The following SLF2 variants were observed in gnomAD, a reference collection of about 807,000 sequenced individuals.
SLF2 encodes the protein SMC5/6 complex localization factor 2.
SLF2 carries 68 observed loss-of-function variants against 124.3 expected under a neutral mutation model. The observed-to-expected ratio is 0.55, with a 90% CI of 0.45 to 0.67. The LOEUF (loss-of-function observed/expected upper bound fraction) is 0.67. Ranked by LOEUF, SLF2 falls within the 30% of genes least tolerant of loss-of-function variation. The probability of loss-of-function intolerance (pLI) is 0.00; values close to 1 mark genes in which losing one functional copy is unlikely to be tolerated. For missense variants in SLF2, 1,246 were observed against 1,373.7 expected, an observed-to-expected ratio of 0.91 and a Z score of 1.47; for synonymous variants, 480 against 478.8, an observed-to-expected ratio of 1.00 and a Z score of -0.03.
chr10:100,945,205 C>T, intron 12 of SLF2, 125 bp from the exon 13 acceptor site: 2 of 712,614 alleles, frequency 2.8e-6, no homozygotes, highest in South Asian at 2.2e-5. Context: ...TTTCTCTAGA[C>T]ATCGGATGTT....
chr10:100,913,373 G>A, intron 1 of SLF2, 123 bp downstream of exon 1: 2 of 1,367,122 alleles, frequency 1.5e-6, no homozygotes, highest in East Asian at 3.0e-5. Flanking sequence ...GGCATTTCGG[G>A]GCCTGGCAAA....
intron 16 of SLF2, 100 bp downstream of exon 16, chr10:100,950,307 T>A: frequency 8.1e-7 from 1 of 1,227,494 alleles, no homozygotes; most frequent in Non-Finnish European, 1.1e-6. Context: ...ATTTGGACAC[T>A]AGACACATTC....
In SLF2 at chr10:100,965,110, T is replaced by G. The variant is rs987200002; in HGVS notation, c.*3198T>G. The stretch of plus-strand genomic sequence containing the variant: ...ATGAATGTGTGTGTGTGTGTGCTAT[T>G]AAAACTGCTTTTTCTCAGTTTGAAC... On this transcript the variant is annotated 3_prime_UTR_variant, in exon 20 of 20. Coordinates refer to ENST00000238961, the MANE Select transcript of SLF2 (RefSeq NM_018121.4). The surrounding 1 kb of genome is among the most constrained non-coding windows in gnomAD (Gnocchi z 4.1). The G allele has an allele frequency of 6.6e-6, 1 of 152,002 alleles. No individual in the cohort carries two copies. The highest frequency in any genetic ancestry group is 6.6e-5 in the Admixed American group (1 of 15,224). 9.4% of individuals were successfully genotyped at this position (152,002 alleles called of 1,614,324 possible).
Position 100,917,218 on chromosome 10 carries a change from G to A in SLF2, c.833G>A (p.Ser278Asn). 6.2e-7 allele frequency: 1 copy of A among 1,613,996 alleles called. No individual in the cohort carries two copies. The highest frequency in any genetic ancestry group is 8.5e-7 in the Non-Finnish European group (1 of 1,179,990). The change falls in exon 3 of 20, where the codon AGT becomes AAT. Residue 278 changes from serine to asparagine, a missense_variant. Transcript: ENST00000238961. ...GCAAGCAGTCTTTCCTTAAAATCTAGTATAGAAAGAAAATATAAACCAAGG... is the reference window on the plus strand; with the variant it reads ...GCAAGCAGTCTTTCCTTAAAATCTAATATAGAAAGAAAATATAAACCAAGG... ...SEASSLSLKS[S>N]IERKYKPRQE...
rs1850330977 is a variant in SLF2, at chr10:100,956,479, T to C, written c.3359T>C (p.Leu1120Ser). 1 of 1,613,508 alleles carries C rather than the reference T, an allele frequency of 6.2e-7. No individual in the cohort carries two copies. Among genetic ancestry groups the C allele is most frequent in the South Asian group, 1.1e-5 (1 of 90,980 alleles). ...RKHFVLLCGA[L>S]EKHVKCDIRE... ...CACTTTGTGCTACTCTGTGGGGCTT[T>C]GGAAAAGCATGTTAAATGTGATATT... Residue 1120 changes from leucine to serine, a missense_variant, in exon 18 of 20, where the codon TTG becomes TCG. By Grantham distance (145) the Leu-to-Ser change is moderately radical. Transcript: ENST00000238961.
At chr10:100,925,341 A>G (rs1341090468) in intron 5 of SLF2, among the ~76,000 whole-genome samples, 1 of 152,218 alleles carries the variant, frequency 6.6e-6, no homozygotes, top group Admixed American at 6.5e-5. Flanking sequence ...TGTAGAAGTG[A>G]CGTAGAAGTT....
chr10:100,944,319 A>C (rs113487309), intron 12 of SLF2, among the ~76,000 whole-genome samples, 191 bp downstream of exon 12: 4,078 of 151,638 alleles, frequency 0.027, 186 homozygotes, highest in African/African-American at 0.09. Flanking sequence ...CACGGTGAAA[A>C]CCCGTCTCTA....
chr10:100,934,519 G>C (rs1849806934), intron 9 of SLF2, among the ~76,000 whole-genome samples: 1 of 152,018 alleles, frequency 6.6e-6, no homozygotes, highest in South Asian at 2.1e-4. Context: ...TTTTCACATA[G>C]ATTGTGTTCA....
chr10:100,947,522 G>A (rs1850127298), intron 14 of SLF2, among the ~76,000 whole-genome samples: 1 of 151,830 alleles, frequency 6.6e-6, no homozygotes, highest in Admixed American at 6.6e-5. Context: ...AAATCATCAG[G>A]GTCAAAGATA....
At position 100,932,689 on chromosome 10, in the gene SLF2, ATAAG is replaced by A. The variant is rs1849761953; in HGVS notation, c.2436+1613_2436+1616del. Among the ~76,000 whole-genome samples the A allele has an allele frequency of 5.3e-5, 6 of 112,932 alleles. No individual in the cohort carries two copies. In the South Asian group the frequency reaches 2.1e-3, roughly 40 times the overall value. The allele number at this position is 112,932 out of a possible 152,430, so 74.1% of individuals were successfully genotyped here. ...CATGCTAATGTAGAGGAGACAAACA[ATAAG>A]TGTGTGTGTGTGTGTGTGTGTGTGT... On this transcript the variant is annotated intron_variant, in intron 9 of 19. Transcript: ENST00000238961.
chr10:100,963,824 G>A lies in SLF2; in HGVS notation c.*1912G>A, dbSNP rs1417909392. 1 of 152,210 alleles carries A rather than the reference G, an allele frequency of 6.6e-6. No homozygotes were observed. The highest frequency in any genetic ancestry group is 1.5e-5 in the Non-Finnish European group (1 of 67,956). 9.4% of individuals were successfully genotyped at this position (152,210 alleles called of 1,614,324 possible). On this transcript the variant is annotated 3_prime_UTR_variant, in exon 20 of 20. Coordinates refer to ENST00000238961, the MANE Select transcript of SLF2 (RefSeq NM_018121.4). ...ACCCTTTTGTATTGCAGTTTCAACAGATAACTGTCCATCAAATTTAAAACC... is the reference window on the plus strand; with the variant it reads ...ACCCTTTTGTATTGCAGTTTCAACAAATAACTGTCCATCAAATTTAAAACC...
In SLF2 at chr10:100,947,771, A is replaced by G; in HGVS notation, c.3044A>G (p.Gln1015Arg). 5.0e-6 allele frequency: 8 copies of G among 1,608,152 alleles called. No homozygotes were observed. The highest frequency in any genetic ancestry group is 6.8e-6 in the Non-Finnish European group (8 of 1,176,264). The change falls in exon 15 of 20, where the codon CAG becomes CGG. Residue 1015 changes from glutamine to arginine, a missense_variant. Physicochemically the swap from Gln to Arg is conservative, Grantham distance 43. This residue lies in a region of SLF2 where 535 missense variants were observed against 632.8 expected (regional missense o/e 0.85). Transcript: ENST00000238961. The part of the protein sequence containing the change: ...NWTSRGRQLR[Q>R]CLSLVIISKL... ...ACTTCTAATTCTAGGCAACTGAGAC[A>G]GTGCCTCAGTCTAGTGATTATTTCA...
intron 12 of SLF2, among the ~76,000 whole-genome samples, chr10:100,944,486 C>G (rs1850059616): frequency 8.6e-6 from 1 of 116,200 alleles, no homozygotes. Context: ...CAGAGCAAGA[C>G]TCTGTCTCAA....
At chr10:100,957,050 C>G (rs183979887) in intron 18 of SLF2, among the ~76,000 whole-genome samples, 6 of 152,200 alleles carry the variant, frequency 3.9e-5, no homozygotes, top group Non-Finnish European at 8.8e-5. Context: ...AGCAAATACA[C>G]TTTTCACTTT....
chr10:100,928,031 A>ACC (rs60988031), intron 6 of SLF2, among the ~76,000 whole-genome samples: 1 of 30,552 alleles, frequency 3.3e-5, no homozygotes. Context: ...TATGATGAAC[A>ACC]CCCCCCCCCC....
chr10:100,944,500 A>C (rs981081699), intron 12 of SLF2, among the ~76,000 whole-genome samples: 2 of 151,706 alleles, frequency 1.3e-5, no homozygotes, highest in Non-Finnish European at 2.9e-5. Context: ...GTCTCAAAAA[A>C]AAAAAAAAAA....
intron 6 of SLF2, among the ~76,000 whole-genome samples, chr10:100,928,070 A>C (rs1535347): frequency 1.7e-5 from 1 of 60,120 alleles, no homozygotes; most frequent in Non-Finnish European, 4.1e-5. Flanking sequence ...CACACACACG[A>C]GAGAGAGACA....
chr10:100,916,930 A>G lies in SLF2; in HGVS notation c.545A>G (p.Asn182Ser), dbSNP rs1849426617. ...AGGAAGTCACTATTCATTCATGAAA[A>G]TAATGAGAAGAATGATAGAGATCGA... Reference protein sequence around the residue: ...ERRKSLFIHENNEKNDRDRGK... With the variant: ...ERRKSLFIHESNEKNDRDRGK... Residue 182 changes from asparagine to serine, a missense_variant, in exon 3 of 20, where the codon AAT (asparagine) becomes AGT (serine). By Grantham distance (46) the Asn-to-Ser change is conservative (BLOSUM62 1). Around this residue, in one of 3 missense-constraint regions of SLF2, gnomAD observed 698 missense variants for 708.9 expected, o/e 0.98. Coordinates refer to ENST00000238961, the MANE Select transcript of SLF2 (RefSeq NM_018121.4). 1 of 1,614,238 alleles carries G rather than the reference A, an allele frequency of 6.2e-7. No individual in the cohort carries two copies. Among genetic ancestry groups the G allele is most frequent in the Non-Finnish European group, 8.5e-7 (1 of 1,180,054 alleles).
chr10:100,952,267 C>T (rs1298629256), intron 17 of SLF2, among the ~76,000 whole-genome samples: 4 of 146,530 alleles, frequency 2.7e-5, no homozygotes, highest in Non-Finnish European at 4.5e-5. Flanking sequence ...TTAGGCTGGA[C>T]GTGGTGGCTC....
Sources: allele counts gnomAD v4.1 joint callset (sites outside exome capture counted in the v4.1 genomes callset), GRCh38; gene constraint gnomAD v4.1.1; regional missense constraint gnomAD v4.1.1; non-coding constraint Gnocchi (gnomAD v3.1); transcripts MANE v1.5; gene names NCBI Gene and HGNC (gene_info 2026-07-23, HGNC 2026-07-21).